The following POU3F1 variants were observed in gnomAD, a reference collection of about 807,000 sequenced individuals.
POU3F1 encodes POU domain, class 3, transcription factor 1.
Under a neutral mutation model 7.6 loss-of-function variants are expected in POU3F1, and 1 was observed. The observed-to-expected ratio is 0.13, with a 90% CI of 0.05 to 0.62. POU3F1 has a LOEUF of 0.62. POU3F1 is among the 20% of genes least tolerant of loss of function. The probability of loss-of-function intolerance (pLI) is 0.87; values close to 1 mark genes in which losing one functional copy is unlikely to be tolerated. For missense variants in POU3F1, 505 were observed against 679.3 expected (o/e 0.74, Z 2.85); for synonymous variants, 354 against 339.0 (o/e 1.04, Z -0.49).
At position 38,046,775 on chromosome 1, in the gene POU3F1, G is replaced by GCCGCT. The variant is rs1646866430; in HGVS notation, c.-37_-33dup. 1 of 985,064 alleles carries GCCGCT rather than the reference G, an allele frequency of 1.0e-6. No homozygotes were observed. The highest frequency in any genetic ancestry group is 1.2e-6 in the Non-Finnish European group (1 of 831,252). The allele number at this position is 985,064 out of a possible 1,614,324, so 61.0% of individuals were successfully genotyped here. A position where few individuals can be genotyped will look rare whatever the true frequency, so the allele number is the denominator to read the frequency against. On this transcript the variant is annotated 5_prime_UTR_variant, in exon 1 of 1. Coordinates refer to ENST00000373012, the MANE Select transcript of POU3F1 (RefSeq NM_002699.4). The surrounding 1 kb of genome is among the most constrained non-coding windows in gnomAD (Gnocchi z 9.5). Reference sequence around the variant, plus strand: ...CCGCGCCCTGCGCCGCGCCGCCGCCGCCGCTCCGCTCCGTCTGCGGGCCCC... The same window carrying GCCGCT: ...CCGCGCCCTGCGCCGCGCCGCCGCCGCCGCTCCGCTCCGCTCCGTCTGCGGGCCCC...
Position 38,045,746 on chromosome 1 carries a change from A to T in POU3F1, c.998T>A (p.Ile333Asn), listed in dbSNP as rs1646857052. The T allele has an allele frequency of 6.2e-7, 1 of 1,613,278 alleles. No individual in the cohort carries two copies. The stretch of plus-strand genomic sequence containing the variant: ...CTTGCGCTTGCGGCCCTGCGCCGCG[A>T]TCTTGTCCAGGTTGGTGGGGCTGCC... ...SSGSPTNLDK[I>N]AAQGRKRKKR... The change falls in exon 1 of 1, where the codon ATC becomes AAC. Residue 333 changes from isoleucine (I) to asparagine (N), a missense_variant. Coordinates refer to ENST00000373012, the MANE Select transcript of POU3F1 (RefSeq NM_002699.4). This position sits in a 1 kb window ranked among gnomAD's most constrained non-coding sequence, Gnocchi z 9.4.
chr1:38,046,132 C>T lies in POU3F1; in HGVS notation c.612G>A (p.Pro204=). ...DGHEAQLEPS[P]PPHLGAHGHA... Reference sequence around the variant, plus strand: ...GTCCGTGGGCGCCCAGATGCGGCGGCGGCGACGGCTCCAGCTGCGCCTCGT... The same window carrying T: ...GTCCGTGGGCGCCCAGATGCGGCGGTGGCGACGGCTCCAGCTGCGCCTCGT... The change falls in exon 1 of 1, where the codon CCG becomes CCA. Residue 204 remains proline (P), a synonymous_variant. Coordinates refer to ENST00000373012, the MANE Select transcript of POU3F1 (RefSeq NM_002699.4). The surrounding 1 kb of genome is among the most constrained non-coding windows in gnomAD (Gnocchi z 9.5). The T allele has an allele frequency of 1.5e-6, 2 of 1,317,352 alleles. No homozygotes were observed. Among genetic ancestry groups the T allele is most frequent in the East Asian group, 4.2e-5 (1 of 23,944 alleles). The allele number at this position is 1,317,352 out of a possible 1,614,324, so 81.6% of individuals were successfully genotyped here. A position where few individuals can be genotyped will look rare whatever the true frequency, so the allele number is the denominator to read the frequency against.
At position 38,046,295 on chromosome 1, in the gene POU3F1, C is replaced by A; in HGVS notation, c.449G>T (p.Gly150Val). Residue 150 changes from glycine (G) to valine (V), a missense_variant, in exon 1 of 1, where the codon GGC becomes GTC. Physicochemically the swap from Gly to Val is moderately radical, Grantham distance 109. Around this residue, in one of 5 missense-constraint regions of POU3F1, gnomAD observed 361 missense variants for 382.1 expected, o/e 0.94. Coordinates refer to ENST00000373012, the MANE Select transcript of POU3F1 (RefSeq NM_002699.4). The surrounding 1 kb of genome is among the most constrained non-coding windows in gnomAD (Gnocchi z 9.5). ...AMSPSPGASG[G>V]HQPQPLGLYA... ...CAGCCCGAGCGGCTGGGGCTGGTGG[C>A]CCCCGCTGGCCCCGGGCGAGGGCGA... The A allele has an allele frequency of 8.6e-7, 1 of 1,166,238 alleles. No individual in the cohort carries two copies. The highest frequency in any genetic ancestry group is 1.1e-6 in the Non-Finnish European group (1 of 946,026). The allele number at this position is 1,166,238 out of a possible 1,614,324, so 72.2% of individuals were successfully genotyped here. A position where few individuals can be genotyped will look rare whatever the true frequency, so the allele number is the denominator to read the frequency against.
chr1:38,046,126 C>G lies in POU3F1; in HGVS notation c.618G>C (p.Pro206=). Residue 206 remains proline (P), a synonymous_variant, in exon 1 of 1, where the codon CCG becomes CCC. Coordinates refer to ENST00000373012, the MANE Select transcript of POU3F1 (RefSeq NM_002699.4). This position sits in a 1 kb window ranked among gnomAD's most constrained non-coding sequence, Gnocchi z 9.5. The part of the protein sequence containing the change: ...HEAQLEPSPP[P]HLGAHGHAHG... ...GTGCGTGTCCGTGGGCGCCCAGATGCGGCGGCGGCGACGGCTCCAGCTGCG... is the reference window on the plus strand; with the variant it reads ...GTGCGTGTCCGTGGGCGCCCAGATGGGGCGGCGGCGACGGCTCCAGCTGCG... The G allele has an allele frequency of 7.9e-7, 1 of 1,272,770 alleles. No individual in the cohort carries two copies. The highest frequency in any genetic ancestry group is 1.5e-5 in the South Asian group (1 of 68,232). 78.8% of individuals were successfully genotyped at this position (1,272,770 alleles called of 1,614,324 possible).
Position 38,046,417 on chromosome 1 carries a change from G to T in POU3F1, c.327C>A (p.Gly109=). Residue 109 remains glycine, a synonymous_variant, in exon 1 of 1, where the codon GGC becomes GGA. Transcript: ENST00000373012. The surrounding 1 kb of genome is among the most constrained non-coding windows in gnomAD (Gnocchi z 9.5). ...GCACCAGGCGCGCGTGGAAACCTCC[G>T]CCGCCGCCGCCGTCGTCGGCTCGGC... ...GTGRADDGGG[G]GGFHARLVHQ... is the part of the protein sequence containing the mutation. 3.1e-6 allele frequency: 4 copies of T among 1,278,782 alleles called. No homozygotes were observed. Among genetic ancestry groups the T allele is most frequent in the Admixed American group, 3.9e-5 (1 of 25,658 alleles). 79.2% of individuals were successfully genotyped at this position (1,278,782 alleles called of 1,614,324 possible).
At position 38,046,488 on chromosome 1, in the gene POU3F1, C is replaced by T. The variant is rs1162696917; in HGVS notation, c.256G>A (p.Gly86Ser). 2 of 1,380,024 alleles carry T rather than the reference C, an allele frequency of 1.4e-6. No individual in the cohort carries two copies. The highest frequency in any genetic ancestry group is 1.9e-6 in the Non-Finnish European group (2 of 1,065,968). The allele number at this position is 1,380,024 out of a possible 1,614,324, so 85.5% of individuals were successfully genotyped here. ...TGGGGGGDWA[G>S]GPHLEHGKAG... Reference sequence around the variant, plus strand: ...TTGCCGTGTTCTAGGTGCGGGCCGCCGGCCCAATCGCCGCCGCCGCCTCCT... The same window carrying T: ...TTGCCGTGTTCTAGGTGCGGGCCGCTGGCCCAATCGCCGCCGCCGCCTCCT... Residue 86 changes from glycine (G) to serine (S), a missense_variant, in exon 1 of 1, where the codon GGC becomes AGC. Around this residue, in one of 5 missense-constraint regions of POU3F1, gnomAD observed 361 missense variants for 382.1 expected, o/e 0.94. Coordinates refer to ENST00000373012, the MANE Select transcript of POU3F1 (RefSeq NM_002699.4). The surrounding 1 kb of genome is among the most constrained non-coding windows in gnomAD (Gnocchi z 9.5).
In POU3F1 at chr1:38,045,338, G is replaced by A. The variant is rs968614852; in HGVS notation, c.*50C>T. 4 of 826,358 alleles carry A rather than the reference G, an allele frequency of 4.8e-6. No individual in the cohort carries two copies. The African/African-American group carries it at 7.3e-5, about 15-fold the overall frequency. The allele number at this position is 826,358 out of a possible 1,614,324, so 51.2% of individuals were successfully genotyped here. A position where few individuals can be genotyped will look rare whatever the true frequency, so the allele number is the denominator to read the frequency against. ...AAAAGAGTCCAGGCCGCGCGGGCGG[G>A]CTGCGCGCCCGCGCCCTGCAGCGCG... On this transcript the variant is annotated 3_prime_UTR_variant, in exon 1 of 1. Transcript: ENST00000373012. This position sits in a 1 kb window ranked among gnomAD's most constrained non-coding sequence, Gnocchi z 9.4.
In POU3F1 at chr1:38,044,580, G is replaced by A. The variant is rs1646847419; in HGVS notation, c.*808C>T. On this transcript the variant is annotated 3_prime_UTR_variant, in exon 1 of 1. Transcript: ENST00000373012. ...GAAACGAAACGAAAAATGAACACTCGAATTTTTTTTGTTAGTTTTTTTTTT... is the reference window on the plus strand; with the variant it reads ...GAAACGAAACGAAAAATGAACACTCAAATTTTTTTTGTTAGTTTTTTTTTT... 1 of 148,126 alleles carries A rather than the reference G, an allele frequency of 6.8e-6. No individual in the cohort carries two copies. Among genetic ancestry groups the A allele is most frequent in the African/African-American group, 2.5e-5 (1 of 40,268 alleles). 9.2% of individuals were successfully genotyped at this position (148,126 alleles called of 1,614,324 possible). A position where few individuals can be genotyped will look rare whatever the true frequency, so the allele number is the denominator to read the frequency against.
In POU3F1 at chr1:38,046,087, G is replaced by T; in HGVS notation, c.657C>A (p.His219Gln). 3 of 1,462,484 alleles carry T rather than the reference G, an allele frequency of 2.1e-6. No homozygotes were observed. Among genetic ancestry groups the T allele is most frequent in the Non-Finnish European group, 2.7e-6 (3 of 1,116,616 alleles). 90.6% of individuals were successfully genotyped at this position (1,462,484 alleles called of 1,614,324 possible). A position where few individuals can be genotyped will look rare whatever the true frequency, so the allele number is the denominator to read the frequency against. Residue 219 changes from histidine to glutamine, a missense_variant, in exon 1 of 1, where the codon CAC becomes CAA. By Grantham distance (24) the His-to-Gln change is conservative. This residue lies in a region of POU3F1 where 361 missense variants were observed against 382.1 expected (regional missense o/e 0.94). Transcript: ENST00000373012. The surrounding 1 kb of genome is among the most constrained non-coding windows in gnomAD (Gnocchi z 9.5). Reference protein sequence around the residue: ...GAHGHAHGHAHAGGLHAAAAH... With the variant: ...GAHGHAHGHAQAGGLHAAAAH... Reference sequence around the variant, plus strand: ...CCGCCGCCGCGTGCAGGCCGCCCGCGTGTGCATGTCCGTGTGCGTGTCCGT... The same window carrying T: ...CCGCCGCCGCGTGCAGGCCGCCCGCTTGTGCATGTCCGTGTGCGTGTCCGT...
Position 38,046,629 on chromosome 1 carries a change from GCTCCGCGGCCGCCGCCGCCGCCGCCGC to G in POU3F1, c.88_114del (p.Ala30_Glu38del), listed in dbSNP as rs1333468940. The G allele has an allele frequency of 3.0e-6, 4 of 1,334,072 alleles. No individual in the cohort carries two copies. Among genetic ancestry groups the G allele is most frequent in the Non-Finnish European group, 3.9e-6 (4 of 1,038,420 alleles). The allele number at this position is 1,334,072 out of a possible 1,614,324, so 82.6% of individuals were successfully genotyped here. ...CGGTACGCGGCCCCTGCATGCAATC[GCTCCGCGGCCGCCGCCGCCGCCGCCGC>G]CGCCGCGGCGTCCGGGTGCATAAGC... On this transcript the variant is annotated inframe_deletion, in exon 1 of 1. Transcript: ENST00000373012. This position sits in a 1 kb window ranked among gnomAD's most constrained non-coding sequence, Gnocchi z 9.5.
rs1172619119 is a variant in POU3F1 at position 38,046,118 on chromosome 1, C to T, written c.626G>A (p.Gly209Asp). The change falls in exon 1 of 1, where the codon GGC (glycine) becomes GAC (aspartate). Residue 209 changes from glycine to aspartate, a missense_variant. Gly to Asp is a moderately conservative substitution (Grantham distance 94, BLOSUM62 -1). Transcript: ENST00000373012. The surrounding 1 kb of genome is among the most constrained non-coding windows in gnomAD (Gnocchi z 9.5). ...ATGTCCGTGTGCGTGTCCGTGGGCGCCCAGATGCGGCGGCGGCGACGGCTC... is the reference window on the plus strand; with the variant it reads ...ATGTCCGTGTGCGTGTCCGTGGGCGTCCAGATGCGGCGGCGGCGACGGCTC... ...QLEPSPPPHL[G>D]AHGHAHGHAH... 3 of 1,423,538 alleles carry T rather than the reference C, an allele frequency of 2.1e-6. No individual in the cohort carries two copies. Among genetic ancestry groups the T allele is most frequent in the Admixed American group, 5.5e-5 (2 of 36,684 alleles). The allele number at this position is 1,423,538 out of a possible 1,614,324, so 88.2% of individuals were successfully genotyped here.
rs1273839788 is a variant in POU3F1 at position 38,044,498 on chromosome 1, GGT to G, written c.*888_*889del. 2.0e-5 allele frequency: 3 copies of G among 152,708 alleles called. No individual in the cohort carries two copies. Among genetic ancestry groups the G allele is most frequent in the Admixed American group, 6.5e-5 (1 of 15,294 alleles). 9.5% of individuals were successfully genotyped at this position (152,708 alleles called of 1,614,324 possible). A position where few individuals can be genotyped will look rare whatever the true frequency, so the allele number is the denominator to read the frequency against. ...CAGGGCAGAAGCCCCTTCCCGTCTG[GGT>G]GTGTGGGAGCGCAGACCCCTCCGGC... On this transcript the variant is annotated 3_prime_UTR_variant, in exon 1 of 1. Transcript: ENST00000373012.
rs1017751189 is a variant in POU3F1, at chr1:38,043,898, A to G, written c.*1490T>C. 6.6e-6 allele frequency among the ~76,000 whole-genome samples: 1 copy of G among 152,228 alleles called. No homozygotes were observed. The highest frequency in any genetic ancestry group is 1.5e-5 in the Non-Finnish European group (1 of 68,046). On this transcript the variant is annotated 3_prime_UTR_variant, in exon 1 of 1. Transcript: ENST00000373012. This position sits in a 1 kb window ranked among gnomAD's most constrained non-coding sequence, Gnocchi z 4.5. ...AAATATAAAGGGAACTTCCCAGTCT[A>G]CATTATTTTTTTTTCAATAAAGATA...
chr1:38,046,335 A>G lies in POU3F1; in HGVS notation c.409T>C (p.Leu137=), dbSNP rs1323923158. The G allele has an allele frequency of 4.1e-5, 50 of 1,216,098 alleles. 1 individual carries two copies. In the South Asian group the frequency reaches 1.3e-3, roughly 31 times the overall value. 75.3% of individuals were successfully genotyped at this position (1,216,098 alleles called of 1,614,324 possible). The stretch of plus-strand genomic sequence containing the variant: ...GGCGAGGGCGACATGGCCGGGCCCA[A>G]GTGGTGCGCTGTGCTGCCCTGCGCC... ...AWAQGSTAHH[L]GPAMSPSPGA... Residue 137 remains leucine (L), a synonymous_variant, in exon 1 of 1, where the codon TTG becomes CTG. Coordinates refer to ENST00000373012, the MANE Select transcript of POU3F1 (RefSeq NM_002699.4). The surrounding 1 kb of genome is among the most constrained non-coding windows in gnomAD (Gnocchi z 9.5).
In POU3F1 at chr1:38,045,414, G is replaced by A. The variant is rs1367425570; in HGVS notation, c.1330C>T (p.His444Tyr). The A allele has an allele frequency of 1.5e-6, 2 of 1,370,390 alleles. No individual in the cohort carries two copies. Among genetic ancestry groups the A allele is most frequent in the East Asian group, 2.8e-5 (1 of 36,228 alleles). The allele number at this position is 1,370,390 out of a possible 1,614,324, so 84.9% of individuals were successfully genotyped here. A position where few individuals can be genotyped will look rare whatever the true frequency, so the allele number is the denominator to read the frequency against. The change falls in exon 1 of 1, where the codon CAC (histidine) becomes TAC (tyrosine). Residue 444 changes from histidine (H) to tyrosine (Y), a missense_variant. His to Tyr is a moderately conservative substitution (Grantham distance 83, BLOSUM62 2). Around this residue, in one of 5 missense-constraint regions of POU3F1, gnomAD observed 72 missense variants for 93.7 expected, o/e 0.77. Transcript: ENST00000373012. This position sits in a 1 kb window ranked among gnomAD's most constrained non-coding sequence, Gnocchi z 9.4. ...CACTGCACTGAGCCGGGCAGTGTGTGGTGGTGGTGGTGGTGCAGCGCCGCC... is the reference window on the plus strand; with the variant it reads ...CACTGCACTGAGCCGGGCAGTGTGTAGTGGTGGTGGTGGTGCAGCGCCGCC... ...PPAALHHHHH[H>Y]TLPGSVQ is the part of the protein sequence containing the mutation.
chr1:38,046,180 G>A lies in POU3F1; in HGVS notation c.564C>T (p.His188=). ...AGGGGAGPGL[H]HALHEDGHEA... is the part of the protein sequence containing the mutation. ...CGTGGCCATCCTCGTGCAGCGCGTG[G>A]TGCAGGCCCGGCCCCGCGCCGCCAC... Residue 188 remains histidine, a synonymous_variant, in exon 1 of 1, where the codon CAC becomes CAT. Coordinates refer to ENST00000373012, the MANE Select transcript of POU3F1 (RefSeq NM_002699.4). The surrounding 1 kb of genome is among the most constrained non-coding windows in gnomAD (Gnocchi z 9.5). 1.6e-6 allele frequency: 2 copies of A among 1,220,136 alleles called. No homozygotes were observed. The highest frequency in any genetic ancestry group is 5.6e-5 in the South Asian group (2 of 36,030). The allele number at this position is 1,220,136 out of a possible 1,614,324, so 75.6% of individuals were successfully genotyped here.
Position 38,046,750 on chromosome 1 carries a change from C to T in POU3F1, c.-7G>A. 2.0e-6 allele frequency: 2 copies of T among 995,928 alleles called. No individual in the cohort carries two copies. Among genetic ancestry groups the T allele is most frequent in the Non-Finnish European group, 2.4e-6 (2 of 839,302 alleles). 61.7% of individuals were successfully genotyped at this position (995,928 alleles called of 1,614,324 possible). A position where few individuals can be genotyped will look rare whatever the true frequency, so the allele number is the denominator to read the frequency against. On this transcript the variant is annotated 5_prime_UTR_variant, in exon 1 of 1. Coordinates refer to ENST00000373012, the MANE Select transcript of POU3F1 (RefSeq NM_002699.4). This position sits in a 1 kb window ranked among gnomAD's most constrained non-coding sequence, Gnocchi z 9.5. ...ACTGCGCGGTGGTGGCCATGCCGCC[C>T]CGCGCCCTGCGCCGCGCCGCCGCCG...
chr1:38,045,345 G>T lies in POU3F1; in HGVS notation c.*43C>A. On this transcript the variant is annotated 3_prime_UTR_variant, in exon 1 of 1. Transcript: ENST00000373012. The surrounding 1 kb of genome is among the most constrained non-coding windows in gnomAD (Gnocchi z 9.4). ...TCCAGGCCGCGCGGGCGGGCTGCGC[G>T]CCCGCGCCCTGCAGCGCGCCGGCGG... The T allele has an allele frequency of 1.1e-6, 1 of 935,230 alleles. No individual in the cohort carries two copies. Among genetic ancestry groups the T allele is most frequent in the Non-Finnish European group, 1.3e-6 (1 of 751,562 alleles). The allele number at this position is 935,230 out of a possible 1,614,324, so 57.9% of individuals were successfully genotyped here. A position where few individuals can be genotyped will look rare whatever the true frequency, so the allele number is the denominator to read the frequency against.
rs1646863262 is a variant in POU3F1 at position 38,046,557 on chromosome 1, C to T, written c.187G>A (p.Gly63Ser). 5.1e-6 allele frequency: 7 copies of T among 1,371,310 alleles called. No homozygotes were observed. The Admixed American group carries it at 2.1e-4, about 42-fold the overall frequency. The allele number at this position is 1,371,310 out of a possible 1,614,324, so 84.9% of individuals were successfully genotyped here. A position where few individuals can be genotyped will look rare whatever the true frequency, so the allele number is the denominator to read the frequency against. ...MHHEWLGAGA[G>S]HPVGLAHPQW... ...GGGTGCGCTAGGCCCACGGGGTGGC[C>T]CGCGCCCGCGCCCAGCCACTCGTGG... Residue 63 changes from glycine to serine, a missense_variant, in exon 1 of 1, where the codon GGC (glycine) becomes AGC (serine). Gly to Ser is a moderately conservative substitution (Grantham distance 56). Coordinates refer to ENST00000373012, the MANE Select transcript of POU3F1 (RefSeq NM_002699.4). This position sits in a 1 kb window ranked among gnomAD's most constrained non-coding sequence, Gnocchi z 9.5.
Sources: allele counts gnomAD v4.1 joint callset (sites outside exome capture counted in the v4.1 genomes callset), GRCh38; gene constraint gnomAD v4.1.1; regional missense constraint gnomAD v4.1.1; non-coding constraint Gnocchi (gnomAD v3.1); transcripts MANE v1.5; gene names NCBI Gene and HGNC (gene_info 2026-07-23, HGNC 2026-07-21).